Variants in EPS8 observed in about 807,000 individuals in gnomAD.
EPS8 encodes epidermal growth factor receptor kinase substrate 8.
A neutral mutation model predicts 103.8 loss-of-function variants in EPS8; 42 were observed. That is an observed-to-expected ratio of 0.40 (90% confidence interval 0.32 to 0.52). EPS8 has a LOEUF of 0.52. EPS8 is among the 20% of genes least tolerant of loss of function. The probability of loss-of-function intolerance (pLI) is 0.40; values close to 1 mark genes in which losing one functional copy is unlikely to be tolerated. For missense variants in EPS8, 969 were observed against 1,005.1 expected (o/e 0.96, Z 0.49); for synonymous variants, 344 against 344.6 (o/e 1.00, Z 0.02).
rs1190178580 is a variant in EPS8 at position 15,695,839 on chromosome 12, G to A, written c.-21-12867C>T. 6.6e-6 allele frequency among the ~76,000 whole-genome samples: 1 copy of A among 152,176 alleles called. No individual in the cohort carries two copies. ...AAAATATAAAAATCAGCCAGACATG[G>A]TGGCAGGCACCTGTAATCCCAGCTA... On this transcript the variant is annotated intron_variant, in intron 1 of 20. Coordinates refer to ENST00000281172, the MANE Select transcript of EPS8 (RefSeq NM_004447.6). This position sits in a 1 kb window ranked among gnomAD's most constrained non-coding sequence, Gnocchi z 5.0.
intron 4 of EPS8, among the ~76,000 whole-genome samples, chr12:15,670,187 C>G (rs1945791229): frequency 6.6e-6 from 1 of 152,112 alleles, no homozygotes; most frequent in Non-Finnish European, 1.5e-5. Flanking sequence ...CTGAACATAG[C>G]AGCATTTAAA....
At position 15,727,742 on chromosome 12, in the gene EPS8, C is replaced by T. The variant is rs2135987605; in HGVS notation, c.-21-44770G>A. Among the ~76,000 whole-genome samples the T allele has an allele frequency of 6.6e-6, 1 of 152,248 alleles. No individual in the cohort carries two copies. The highest frequency in any genetic ancestry group is 2.1e-4 in the South Asian group (1 of 4,832). ...GCGTGGTGGCGCGTGCCTGTAATCC[C>T]AGCTACTCAGGAGGCTGAGGCAGGA... is the stretch of plus-strand genomic sequence containing the variant. On this transcript the variant is annotated intron_variant, in intron 1 of 20. Coordinates refer to ENST00000281172, the MANE Select transcript of EPS8 (RefSeq NM_004447.6). The surrounding 1 kb of genome is among the most constrained non-coding windows in gnomAD (Gnocchi z 4.3).
At chr12:15,629,860 T>C (rs1021749315) in intron 18 of EPS8, among the ~76,000 whole-genome samples, 1 of 152,168 alleles carries the variant, frequency 6.6e-6, no homozygotes, top group Non-Finnish European at 1.5e-5. Context: ...ACTGAACAGA[T>C]GTGGCAATAA....
chr12:15,732,757 T>G, intron 1 of EPS8: 5 of 982,742 alleles, frequency 5.1e-6, no homozygotes, highest in Non-Finnish European at 6.0e-6. Flanking sequence ...CTTGCCAGAT[T>G]ACTCATAGTT....
intron 1 of EPS8, among the ~76,000 whole-genome samples, chr12:15,715,065 C>G (rs374093682): frequency 1.3e-5 from 2 of 152,186 alleles, no homozygotes; most frequent in South Asian, 4.1e-4. Context: ...AGGACTGATT[C>G]CCCAACTGCT....
At chr12:15,768,429 CAAAAAAAA>C (rs71042268) in intron 1 of EPS8, among the ~76,000 whole-genome samples, 180 of 24,856 alleles carry the variant, frequency 7.2e-3, no homozygotes, top group Admixed American at 0.014. Context: ...GACTCCATCT[CAAAAAAAA>C]AAAAAAAAAA....
intron 1 of EPS8, among the ~76,000 whole-genome samples, chr12:15,765,654 G>C (rs1947085719): frequency 6.6e-6 from 1 of 151,136 alleles, no homozygotes; most frequent in South Asian, 2.1e-4. Context: ...ACTGGAGAGA[G>C]ATTTCTTCAG....
At chr12:15,742,327 C>T (rs934951153) in intron 1 of EPS8, among the ~76,000 whole-genome samples, 1 of 152,180 alleles carries the variant, frequency 6.6e-6, no homozygotes, top group African/African-American at 2.4e-5. Context: ...TACGGTCCCA[C>T]CAACAGTGTA....
intron 3 of EPS8, among the ~76,000 whole-genome samples, chr12:15,674,426 C>G (rs931693022): frequency 6.6e-6 from 1 of 152,158 alleles, no homozygotes; most frequent in African/African-American, 2.4e-5. Flanking sequence ...TCCTTTCCCA[C>G]TAGCTTAGTG....
intron 2 of EPS8, among the ~76,000 whole-genome samples, chr12:15,682,432 G>T (rs977765491): frequency 5.9e-5 from 9 of 152,112 alleles, no homozygotes; most frequent in Non-Finnish European, 1.2e-4. Context: ...GTTATACCTG[G>T]ACCCACTGGA....
At chr12:15,681,393 G>A in intron 2 of EPS8, 91 bp from the exon 3 acceptor site, 4 of 482,630 alleles carry the variant, frequency 8.3e-6, no homozygotes, top group Non-Finnish European at 1.3e-5. Context: ...AACTCAACTA[G>A]AAAATAAAAA....
chr12:15,651,050 T>G, intron 13 of EPS8, 44 bp from the exon 14 acceptor site: 1 of 1,518,962 alleles, frequency 6.6e-7, no homozygotes, highest in South Asian at 1.2e-5. Flanking sequence ...AATCTAGGAA[T>G]GTATCCATGC....
In EPS8 at chr12:15,777,241, C is replaced by T. The variant is rs937875010; in HGVS notation, c.-22+11920G>A. 6.6e-6 allele frequency among the ~76,000 whole-genome samples: 1 copy of T among 151,544 alleles called. No homozygotes were observed. Among genetic ancestry groups the T allele is most frequent in the African/African-American group, 2.4e-5 (1 of 41,238 alleles). On this transcript the variant is annotated intron_variant, in intron 1 of 20. Transcript: ENST00000281172. This position sits in a 1 kb window ranked among gnomAD's most constrained non-coding sequence, Gnocchi z 4.7. ...TTAATTCAAATTCTAAAATTCCCTA[C>T]AGTGATAAGGGGTACTTACAAAGCA...
rs111937450 is a variant in EPS8 at position 15,735,876 on chromosome 12, AC to A, written c.-21-52905del. The stretch of plus-strand genomic sequence containing the variant: ...AAAAAATGCCAATAATAGGACAAAG[AC>A]AAAGAGTTTGTGTTTTTTTGTGTTT... On this transcript the variant is annotated intron_variant, in intron 1 of 20. Transcript: ENST00000281172. The surrounding 1 kb of genome is among the most constrained non-coding windows in gnomAD (Gnocchi z 4.4). Among the ~76,000 whole-genome samples, 5 of 152,056 alleles carry A rather than the reference AC, an allele frequency of 3.3e-5. No individual in the cohort carries two copies. Among genetic ancestry groups the A allele is most frequent in the African/African-American group, 1.2e-4 (5 of 41,360 alleles).
chr12:15,665,577 C>G (rs1047200315), intron 8 of EPS8, 179 bp downstream of exon 8: 9 of 641,504 alleles, frequency 1.4e-5, no homozygotes, highest in Non-Finnish European at 2.1e-5. Flanking sequence ...GTGATCCGCC[C>G]GCCTCGGCCT....
At chr12:15,676,744 G>C (rs1223051562) in intron 3 of EPS8, among the ~76,000 whole-genome samples, 1 of 152,186 alleles carries the variant, frequency 6.6e-6, no homozygotes, top group Non-Finnish European at 1.5e-5. Flanking sequence ...AACTGGAGGA[G>C]AGAGAAATTA....
rs35883920 is a variant in EPS8 at position 15,745,152 on chromosome 12, T to C, written c.-22+44009A>G. Among the ~76,000 whole-genome samples, 14,871 of 152,246 alleles carry C rather than the reference T, an allele frequency of 0.098. 1,051 individuals are homozygous for C. The highest frequency in any genetic ancestry group is 0.15 in the Non-Finnish European group (10,119 of 67,998). ...CTGGTATTATAGGCGTGAGCCACCA[T>C]GCCTGGCCAATTGTCCATTATTTTT... On this transcript the variant is annotated intron_variant, in intron 1 of 20. Coordinates refer to ENST00000281172, the MANE Select transcript of EPS8 (RefSeq NM_004447.6). The surrounding 1 kb of genome is among the most constrained non-coding windows in gnomAD (Gnocchi z 4.6).
chr12:15,745,963 A>T lies in EPS8; in HGVS notation c.-22+43198T>A, dbSNP rs1946871209. ...AGCCTTATGAGGGTTGAAGAGTTAC[A>T]CCATTTTCTTTAACACACAGCTTTT... On this transcript the variant is annotated intron_variant, in intron 1 of 20. Transcript: ENST00000281172. This position sits in a 1 kb window ranked among gnomAD's most constrained non-coding sequence, Gnocchi z 4.6. Among the ~76,000 whole-genome samples the T allele has an allele frequency of 6.6e-6, 1 of 152,186 alleles. No homozygotes were observed. The highest frequency in any genetic ancestry group is 1.5e-5 in the Non-Finnish European group (1 of 68,028).
At chr12:15,663,941 A>AAAAATAAT (rs1565487231) in intron 8 of EPS8, among the ~76,000 whole-genome samples, 1 of 73,280 alleles carries the variant, frequency 1.4e-5, no homozygotes, top group Non-Finnish European at 2.5e-5. Flanking sequence ...AAAAAAAAAA[A>AAAAATAAT]AAAAATAATA....
Sources: gnomAD v4.1 joint callset for allele counts (sites outside exome capture counted in the v4.1 genomes callset) on GRCh38, gnomAD v4.1.1 for gene constraint, Gnocchi (gnomAD v3.1) non-coding constraint, MANE v1.5 for transcripts, NCBI Gene and HGNC (gene_info 2026-07-23, HGNC 2026-07-21) for gene names.